The following XRN1 variants were observed in gnomAD, a reference collection of about 807,000 sequenced individuals.
XRN1 encodes the protein 5'-3' exoribonuclease 1.
A neutral mutation model predicts 222.3 loss-of-function variants in XRN1; 67 were observed. The ratio of observed to expected loss-of-function variants is 0.30; its 90% CI spans 0.25 to 0.37. XRN1 has a LOEUF of 0.37. Among genes scored for constraint, XRN1 ranks in the 10% least tolerant of loss-of-function variants. The pLI is 1.00. For synonymous variants in XRN1, 643 were observed against 652.4 expected (o/e 0.99, Z 0.22); for missense variants, 1,707 against 2,000.2 (o/e 0.85, Z 2.80).
rs201555156 is a variant in XRN1, at chr3:142,422,574, C to T, written c.967+8G>A. On this transcript the variant is annotated splice_region_variant and intron_variant, in intron 8 of 40. Coordinates refer to ENST00000392981, the MANE Select transcript of XRN1 (RefSeq NM_001282857.2). Reference sequence around the variant, plus strand: ...AGTATCCTCGAGAGATTATTAAATTCTTCTTACCCCCAAGTTCTGGCAGGA... The same window carrying T: ...AGTATCCTCGAGAGATTATTAAATTTTTCTTACCCCCAAGTTCTGGCAGGA... 9 of 1,611,764 alleles carry T rather than the reference C, an allele frequency of 5.6e-6. No individual in the cohort carries two copies. The highest frequency in any genetic ancestry group is 1.7e-4 in the Middle Eastern group (1 of 6,040).
At chr3:142,356,081 T>C (rs1406443871) in intron 31 of XRN1, among the ~76,000 whole-genome samples, 1 of 152,190 alleles carries the variant, frequency 6.6e-6, no homozygotes, top group Non-Finnish European at 1.5e-5. Flanking sequence ...ACAAACACTA[T>C]AAAAGATTAT....
At chr3:142,391,584 C>A (rs1045865669) in intron 20 of XRN1, among the ~76,000 whole-genome samples, 12 of 151,626 alleles carry the variant, frequency 7.9e-5, no homozygotes, top group Non-Finnish European at 1.8e-4. Context: ...AAAATAGTAG[C>A]CTGGCATGGT....
At chr3:142,347,989 T>C (rs1301924854) in intron 32 of XRN1, among the ~76,000 whole-genome samples, 2 of 152,144 alleles carry the variant, frequency 1.3e-5, no homozygotes, top group Non-Finnish European at 2.9e-5. Flanking sequence ...TTTAGGTAAA[T>C]GTTTCTTCAC....
chr3:142,328,260 T>C (rs2065575039), intron 37 of XRN1, among the ~76,000 whole-genome samples: 2 of 152,190 alleles, frequency 1.3e-5, no homozygotes, highest in Admixed American at 1.3e-4. Context: ...ACTTTTTGGA[T>C]GCAGGGATTT....
At chr3:142,341,541 C>G (rs2065994421) in intron 33 of XRN1, among the ~76,000 whole-genome samples, 1 of 151,796 alleles carries the variant, frequency 6.6e-6, no homozygotes, top group African/African-American at 2.4e-5. Flanking sequence ...AACCAGAAAA[C>G]AAATATCGAA....
In XRN1 at chr3:142,403,698, T is replaced by C; in HGVS notation, c.2079A>G (p.Leu693=). 1 of 1,613,280 alleles carries C rather than the reference T, an allele frequency of 6.2e-7. No individual in the cohort carries two copies. The highest frequency in any genetic ancestry group is 8.5e-7 in the Non-Finnish European group (1 of 1,179,532). Residue 693 remains leucine, a synonymous_variant, in exon 18 of 41, where the codon TTA becomes TTG. Transcript: ENST00000392981. ...SRGENMMLEI[L]VDAESDELTV... ...CAAGTTCATCTGATTCTGCATCCAC[T>C]AAGATTTCCAACATCATGTTTTCTC...
intron 30 of XRN1, 53 bp downstream of exon 30, chr3:142,359,809 A>T: frequency 7.5e-7 from 1 of 1,336,350 alleles, no homozygotes; most frequent in Non-Finnish European, 1.1e-6. Flanking sequence ...ATGTAAAGTC[A>T]CTGGCCACAT....
At chr3:142,317,699 T>TCC (rs1292447719) in intron 39 of XRN1, among the ~76,000 whole-genome samples, 2 of 152,134 alleles carry the variant, frequency 1.3e-5, no homozygotes, top group Admixed American at 1.3e-4. Context: ...TTTCAACCAA[T>TCC]CCCTCTCTTT....
intron 20 of XRN1, among the ~76,000 whole-genome samples, chr3:142,387,044 A>G (rs2067530740): frequency 6.6e-6 from 1 of 152,222 alleles, no homozygotes; most frequent in Admixed American, 6.5e-5. Flanking sequence ...CACGTTCACC[A>G]AGAGCCCCAA....
chr3:142,353,373 A>C lies in XRN1; in HGVS notation c.3768+2028T>G, dbSNP rs1182317927. On this transcript the variant is annotated intron_variant, in intron 32 of 40. Transcript: ENST00000392981. Reference sequence around the variant, plus strand: ...CAATAGCCAAGGCAATTTTAAACAAAAAGAACAATGTTGGAGACATCACAT... The same window carrying C: ...CAATAGCCAAGGCAATTTTAAACAACAAGAACAATGTTGGAGACATCACAT... 6.6e-5 allele frequency among the ~76,000 whole-genome samples: 10 copies of C among 152,316 alleles called. No individual in the cohort carries two copies. The East Asian group carries it at 1.9e-3, about 29-fold the overall frequency.
intron 25 of XRN1, among the ~76,000 whole-genome samples, chr3:142,374,973 C>T (rs569360367): frequency 2.0e-5 from 3 of 152,254 alleles, no homozygotes; most frequent in Admixed American, 6.5e-5. Flanking sequence ...GTGAGACACC[C>T]AGCGAGAACA....
chr3:142,380,610 T>G (rs982573984), intron 22 of XRN1, among the ~76,000 whole-genome samples: 11 of 152,158 alleles, frequency 7.2e-5, no homozygotes, highest in African/African-American at 2.6e-4. Flanking sequence ...TGCCTTGGTC[T>G]CCCCAAAGTG....
chr3:142,383,575 C>A (rs1577335181), intron 21 of XRN1, among the ~76,000 whole-genome samples, 162 bp from the exon 22 acceptor site: 1 of 152,202 alleles, frequency 6.6e-6, no homozygotes, highest in Non-Finnish European at 1.5e-5. Context: ...ATATGGCAGG[C>A]ACCCTTCTAT....
chr3:142,415,038 A>G (rs1417569975), intron 13 of XRN1, among the ~76,000 whole-genome samples: 1 of 152,192 alleles, frequency 6.6e-6, no homozygotes, highest in Non-Finnish European at 1.5e-5. Flanking sequence ...GCTCACAAGG[A>G]GAGGAAGAAA....
intron 23 of XRN1, among the ~76,000 whole-genome samples, chr3:142,379,176 C>T (rs1463599835): frequency 3.3e-5 from 5 of 152,012 alleles, no homozygotes; most frequent in Non-Finnish European, 7.4e-5. Context: ...GAGGCTGAGG[C>T]AGGAGAATCA....
At chr3:142,418,240 T>A in intron 12 of XRN1, 1 of 333,536 alleles carries the variant, frequency 3.0e-6, no homozygotes, top group Non-Finnish European at 5.3e-6. Context: ...TTATTTCTAA[T>A]TTTTTTACTA....
At chr3:142,411,521 T>G (rs1577388100) in intron 15 of XRN1, among the ~76,000 whole-genome samples, 1 of 152,010 alleles carries the variant, frequency 6.6e-6, no homozygotes. Context: ...ATGGATCCCT[T>G]TTTTTTCTTT....
intron 32 of XRN1, among the ~76,000 whole-genome samples, chr3:142,354,634 T>G (rs1193263531): frequency 1.3e-5 from 2 of 152,168 alleles, no homozygotes; most frequent in Non-Finnish European, 2.9e-5. Flanking sequence ...CTTGGCTCAC[T>G]GCAACCTCTG....
chr3:142,400,239 T>C (rs544832396), intron 19 of XRN1, among the ~76,000 whole-genome samples: 2 of 152,300 alleles, frequency 1.3e-5, no homozygotes, highest in African/African-American at 2.4e-5. Flanking sequence ...AAATAACATA[T>C]GCATCTAAAA....
Sources: allele counts gnomAD v4.1 joint callset (sites outside exome capture counted in the v4.1 genomes callset), GRCh38; gene constraint gnomAD v4.1.1; transcripts MANE v1.5; gene names NCBI Gene and HGNC (gene_info 2026-07-23, HGNC 2026-07-21).